The following AGO3 variants were observed in gnomAD, a reference collection of about 807,000 sequenced individuals.
AGO3 encodes argonaute RISC catalytic component 3.
Under a neutral mutation model 105.5 loss-of-function variants are expected in AGO3, and 16 were observed. The observed-to-expected ratio is 0.15, with a 90% CI of 0.10 to 0.23. The LOEUF (loss-of-function observed/expected upper bound fraction) is 0.23. AGO3 is among the 10% of genes least tolerant of loss of function. AGO3 has a pLI of 1.00. For missense variants in AGO3, 534 were observed against 1,088.0 expected (o/e 0.49, Z 7.16); for synonymous variants, 340 against 367.3 (o/e 0.93, Z 0.85).
At chr1:35,992,675 T>A (rs1374036958) in intron 5 of AGO3, among the ~76,000 whole-genome samples, 1 of 152,248 alleles carries the variant, frequency 6.6e-6, no homozygotes, top group African/African-American at 2.4e-5. Context: ...TAAAGGAATC[T>A]GTGACATAGC....
intron 11 of AGO3, 40 bp downstream of exon 11, chr1:36,014,088 G>C (rs770665530): frequency 7.4e-6 from 12 of 1,612,198 alleles, no homozygotes; most frequent in African/African-American, 1.3e-5. Context: ...ACTTTTTTGT[G>C]TTTAGACTTT....
rs1458062611 is a variant in AGO3 at position 36,040,116 on chromosome 1, T to C, written c.2037+132T>C. On this transcript the variant is annotated intron_variant, in intron 15 of 18. Coordinates refer to ENST00000373191, the MANE Select transcript of AGO3 (RefSeq NM_024852.4). ...AACTTGGTGTTTTGTTAGATTGTCT[T>C]TTTGAAAATGTTCACTACGAATGTG... 4.9e-6 allele frequency: 6 copies of C among 1,221,278 alleles called. No homozygotes were observed. In the African/African-American group the frequency reaches 9.2e-5, roughly 19 times the overall value. The allele number at this position is 1,221,278 out of a possible 1,614,324, so 75.7% of individuals were successfully genotyped here.
intron 11 of AGO3, among the ~76,000 whole-genome samples, chr1:36,021,283 T>G (rs1641207823): frequency 6.6e-6 from 1 of 152,092 alleles, no homozygotes; most frequent in African/African-American, 2.4e-5. Flanking sequence ...CAACCTAATA[T>G]TAGAAACTGC....
intron 17 of AGO3, among the ~76,000 whole-genome samples, chr1:36,046,257 A>G (rs1642465073): frequency 6.6e-6 from 1 of 152,208 alleles, no homozygotes; most frequent in Non-Finnish European, 1.5e-5. Flanking sequence ...TAGCTGGGAT[A>G]TGTCTTGCTC....
chr1:36,001,835 G>A (rs1229454516), intron 5 of AGO3, among the ~76,000 whole-genome samples: 1 of 152,030 alleles, frequency 6.6e-6, no homozygotes, highest in Non-Finnish European at 1.5e-5. Flanking sequence ...AGAGCTATTT[G>A]GAGCGAGGAG....
At chr1:36,017,689 G>A (rs12039458) in intron 11 of AGO3, among the ~76,000 whole-genome samples, 18,240 of 151,998 alleles carry the variant, frequency 0.12, 2,865 homozygotes, top group East Asian at 0.69. Flanking sequence ...GATTGCTTGA[G>A]CTCAGGAGTT....
intron 5 of AGO3, among the ~76,000 whole-genome samples, chr1:35,991,727 A>G (rs1647682073): frequency 6.6e-6 from 1 of 151,938 alleles, no homozygotes; most frequent in African/African-American, 2.4e-5. Flanking sequence ...CACACGTTTT[A>G]TTTCCTAAGT....
At position 36,066,718 on chromosome 1, in the gene AGO3, A is replaced by ACC. The variant is rs1643099138; in HGVS notation, c.*10973_*10974insCC. 2.0e-5 allele frequency: 3 copies of ACC among 152,228 alleles called. No homozygotes were observed. The highest frequency in any genetic ancestry group is 4.4e-5 in the Non-Finnish European group (3 of 68,044). The allele number at this position is 152,228 out of a possible 1,614,324, so 9.4% of individuals were successfully genotyped here. ...TTAGAACCAAAGAAGGAAAGACTGCAAAAATGTTGCATACGTGACTCTTTA... is the reference window on the plus strand; with the variant it reads ...TTAGAACCAAAGAAGGAAAGACTGCACCAAAATGTTGCATACGTGACTCTTTA... On this transcript the variant is annotated 3_prime_UTR_variant, in exon 19 of 19. Coordinates refer to ENST00000373191, the MANE Select transcript of AGO3 (RefSeq NM_024852.4).
At chr1:35,930,780 C>T (rs1646024181), upstream of AGO3, 1 of 159,084 alleles carries the variant, frequency 6.3e-6, no homozygotes, top group African/African-American at 2.4e-5. Context: ...GTTCGGGGTC[C>T]TTCACCCGCC....
chr1:35,993,770 C>CA (rs1469170079), intron 5 of AGO3, among the ~76,000 whole-genome samples: 3 of 98,164 alleles, frequency 3.1e-5, no homozygotes, highest in African/African-American at 1.3e-4. Flanking sequence ...TTTTTGGAGA[C>CA]AGAGTCTTGC....
At position 36,004,574 on chromosome 1, in the gene AGO3, A is replaced by G. The variant is rs201650125; in HGVS notation, c.793+99A>G. The G allele has an allele frequency of 1.2e-5, 13 of 1,093,322 alleles. No individual in the cohort carries two copies. In the East Asian group the frequency reaches 3.1e-4, roughly 26 times the overall value. The allele number at this position is 1,093,322 out of a possible 1,614,324, so 67.7% of individuals were successfully genotyped here. A position where few individuals can be genotyped will look rare whatever the true frequency, so the allele number is the denominator to read the frequency against. On this transcript the variant is annotated intron_variant, in intron 6 of 18. Transcript: ENST00000373191. ...CTTATATAATTAAAATCTATGTAACATAACCAGTAAAACTATACATCAATT... is the reference window on the plus strand; with the variant it reads ...CTTATATAATTAAAATCTATGTAACGTAACCAGTAAAACTATACATCAATT...
chr1:35,945,631 G>T, intron 1 of AGO3, 61 bp from the exon 2 acceptor site: 1 of 1,538,832 alleles, frequency 6.5e-7, no homozygotes, highest in South Asian at 1.2e-5. Context: ...TACTCTGGTT[G>T]ACAAGGCTTT....
At chr1:36,040,490 A>G in intron 16 of AGO3, 49 bp downstream of exon 16, 1 of 1,603,104 alleles carries the variant, frequency 6.2e-7, no homozygotes, top group Non-Finnish European at 8.5e-7. Flanking sequence ...CTTATCCAAC[A>G]TAGTTCATAG....
chr1:35,977,615 A>G (rs539401684), intron 5 of AGO3, among the ~76,000 whole-genome samples: 3 of 151,110 alleles, frequency 2.0e-5, no homozygotes, highest in African/African-American at 7.3e-5. Context: ...CTGGTCTCAA[A>G]CTCCTGGTCT....
At chr1:35,985,767 T>C (rs562618081) in intron 5 of AGO3, among the ~76,000 whole-genome samples, 1 of 152,348 alleles carries the variant, frequency 6.6e-6, no homozygotes, top group South Asian at 2.1e-4. Flanking sequence ...AAAATACTGA[T>C]AAACTTGACC....
At chr1:35,945,165 T>C (rs1185986860) in intron 1 of AGO3, among the ~76,000 whole-genome samples, 2 of 152,122 alleles carry the variant, frequency 1.3e-5, no homozygotes, top group African/African-American at 4.8e-5. Flanking sequence ...CTTTCTTGAT[T>C]CTTTTTTATT....
chr1:35,936,306 G>T lies in AGO3; in HGVS notation c.19+4861G>T, dbSNP rs1014658879. 1.3e-5 allele frequency among the ~76,000 whole-genome samples: 2 copies of T among 151,786 alleles called. 1 individual carries two copies. Among genetic ancestry groups the T allele is most frequent in the Admixed American group, 1.3e-4 (2 of 15,240 alleles). On this transcript the variant is annotated intron_variant, in intron 1 of 18. Coordinates refer to ENST00000373191, the MANE Select transcript of AGO3 (RefSeq NM_024852.4). ...TTCAGCAAAACCTTGTCACACAACT[G>T]ATGCTTTCTCTTATACATTAAAATG...
At chr1:35,946,171 G>A (rs1270714735) in intron 2 of AGO3, among the ~76,000 whole-genome samples, 1 of 152,136 alleles carries the variant, frequency 6.6e-6, no homozygotes, top group African/African-American at 2.4e-5. Context: ...TAGGTAATAT[G>A]TCCATGCTTG....
chr1:35,987,766 TAA>T (rs764099307), intron 5 of AGO3, among the ~76,000 whole-genome samples: 3 of 138,156 alleles, frequency 2.2e-5, no homozygotes, highest in Admixed American at 7.2e-5. Context: ...TAAGATTGAT[TAA>T]AAAAAAAAAA....
Sources: allele counts gnomAD v4.1 joint callset (sites outside exome capture counted in the v4.1 genomes callset), GRCh38; gene constraint gnomAD v4.1.1; transcripts MANE v1.5; gene names NCBI Gene and HGNC (gene_info 2026-07-23, HGNC 2026-07-21).